Variants in VPS13B observed in about 807,000 individuals in gnomAD.
VPS13B encodes intermembrane lipid transfer protein VPS13B.
A neutral mutation model predicts 426.4 loss-of-function variants in VPS13B; 285 were observed. The ratio of observed to expected loss-of-function variants is 0.67; its 90% confidence interval spans 0.61 to 0.74. VPS13B has a LOEUF of 0.74. VPS13B is among the 30% of genes least tolerant of loss of function. The pLI is 0.00. For synonymous variants in VPS13B, 1,676 were observed against 1,676.4 expected (o/e 1.00, Z 0.01); for missense variants, 4,537 against 4,782.6 (o/e 0.95, Z 1.51).
intron 23 of VPS13B, among the ~76,000 whole-genome samples, chr8:99,455,713 A>G (rs1439009374): frequency 6.6e-6 from 1 of 152,198 alleles, no homozygotes; most frequent in Non-Finnish European, 1.5e-5. Context: ...AATACACTGG[A>G]ATCATACAAT....
intron 58 of VPS13B, among the ~76,000 whole-genome samples, chr8:99,865,270 G>A (rs181780694): frequency 2.0e-5 from 3 of 152,318 alleles, no homozygotes; most frequent in East Asian, 1.9e-4. Flanking sequence ...GAGAAAGGAC[G>A]TGCAGCTCCG....
chr8:99,529,204 AC>A (rs1588465707), intron 30 of VPS13B, among the ~76,000 whole-genome samples: 2 of 152,014 alleles, frequency 1.3e-5, no homozygotes, highest in East Asian at 3.9e-4. Flanking sequence ...AATGGTAACC[AC>A]CTCCTTACCC....
chr8:99,212,716 T>C (rs1413577492), intron 17 of VPS13B, among the ~76,000 whole-genome samples: 1 of 152,196 alleles, frequency 6.6e-6, no homozygotes, highest in African/African-American at 2.4e-5. Context: ...TGAAGAATCT[T>C]AAGTGATATA....
intron 19 of VPS13B, among the ~76,000 whole-genome samples, chr8:99,324,334 C>A (rs1195028786): frequency 6.6e-6 from 1 of 152,120 alleles, no homozygotes; most frequent in Non-Finnish European, 1.5e-5. Flanking sequence ...TAAGTACTGC[C>A]CATTCCACTT....
chr8:99,154,222 G>A (rs1247062353), intron 14 of VPS13B, among the ~76,000 whole-genome samples: 1 of 150,682 alleles, frequency 6.6e-6, no homozygotes, highest in Non-Finnish European at 1.5e-5. Flanking sequence ...CTAATTTGGT[G>A]TCTGACATTA....
intron 16 of VPS13B, among the ~76,000 whole-genome samples, chr8:99,177,334 G>GT (rs1812690003): frequency 6.6e-6 from 1 of 152,038 alleles, no homozygotes; most frequent in Admixed American, 6.6e-5. Context: ...GCCAATTTCT[G>GT]TTTTTCCTTA....
chr8:99,870,408 T>C lies in VPS13B; in HGVS notation c.11393-377T>C, dbSNP rs369214854. On this transcript the variant is annotated intron_variant, in intron 59 of 61. Coordinates refer to ENST00000357162, the MANE Select transcript of VPS13B (RefSeq NM_152564.5). Reference sequence around the variant, plus strand: ...ACTCAAGCAATCCTCCCACCTTGATTTGACCTCCCAAAGTTCTAGGATTAC... The same window carrying C: ...ACTCAAGCAATCCTCCCACCTTGATCTGACCTCCCAAAGTTCTAGGATTAC... Among the ~76,000 whole-genome samples, 5 of 152,264 alleles carry C rather than the reference T, an allele frequency of 3.3e-5. No individual in the cohort carries two copies. The East Asian group carries it at 9.7e-4, about 29-fold the overall frequency.
chr8:99,575,484 A>G (rs1042128616), intron 31 of VPS13B, among the ~76,000 whole-genome samples, 174 bp from the exon 32 acceptor site: 3 of 152,320 alleles, frequency 2.0e-5, no homozygotes, highest in Admixed American at 6.5e-5. Context: ...TCTTTTGTAA[A>G]TCTTATGGAA....
At chr8:99,333,261 G>A (rs576299230) in intron 19 of VPS13B, among the ~76,000 whole-genome samples, 1 of 151,782 alleles carries the variant, frequency 6.6e-6, no homozygotes, top group African/African-American at 2.4e-5. Context: ...GGAGAAAGAT[G>A]TGCATGAAAA....
intron 17 of VPS13B, chr8:99,209,716 TTA>T: frequency 1.0e-6 from 1 of 980,020 alleles, no homozygotes; most frequent in South Asian, 4.7e-5. Flanking sequence ...CCTTTATAAA[TTA>T]TGTTATAATT....
intron 23 of VPS13B, among the ~76,000 whole-genome samples, chr8:99,451,706 G>C (rs1038411486): frequency 2.6e-5 from 4 of 152,100 alleles, no homozygotes; most frequent in Admixed American, 2.0e-4. Flanking sequence ...CTGGAACCCT[G>C]TATGGAACTC....
chr8:99,360,135 TTTC>T (rs1812428454), intron 19 of VPS13B, among the ~76,000 whole-genome samples: 2 of 24,890 alleles, frequency 8.0e-5, no homozygotes, highest in Middle Eastern at 0.012. Context: ...TCTTTCTTTC[TTTC>T]TTTCTTTCTT....
intron 20 of VPS13B, among the ~76,000 whole-genome samples, chr8:99,391,010 T>A (rs1814412803): frequency 6.6e-6 from 1 of 152,272 alleles, no homozygotes; most frequent in South Asian, 2.1e-4. Context: ...ATATCTTTTG[T>A]CAGACAAAAC....
chr8:99,546,436 A>G (rs1823980159), intron 30 of VPS13B, among the ~76,000 whole-genome samples: 2 of 152,046 alleles, frequency 1.3e-5, no homozygotes, highest in South Asian at 4.1e-4. Context: ...ATTGTTAGGT[A>G]CAGAACGTAG....
At chr8:99,283,193 T>C (rs1209439591) in intron 19 of VPS13B, among the ~76,000 whole-genome samples, 1 of 152,240 alleles carries the variant, frequency 6.6e-6, no homozygotes, top group Non-Finnish European at 1.5e-5. Flanking sequence ...TGCCTTGAAG[T>C]TATATGTTTA....
intron 35 of VPS13B, among the ~76,000 whole-genome samples, chr8:99,677,060 G>A (rs1830966271): frequency 6.6e-6 from 1 of 152,148 alleles, no homozygotes; most frequent in African/African-American, 2.4e-5. Context: ...AAGGTGCAAT[G>A]AGCCGAGATC....
intron 3 of VPS13B, among the ~76,000 whole-genome samples, chr8:99,087,635 A>G (rs1845907481): frequency 1.4e-5 from 2 of 146,116 alleles, no homozygotes; most frequent in African/African-American, 5.1e-5. Flanking sequence ...TTTTTTATAG[A>G]CTGGGTCTGT....
chr8:99,720,711 GTTC>G (rs1354157885), intron 38 of VPS13B, 149 bp from the exon 39 acceptor site: 1 of 1,086,110 alleles, frequency 9.2e-7, no homozygotes, highest in Non-Finnish European at 1.3e-6. Context: ...CTTAGGGGAA[GTTC>G]TTCATTTCTT....
chr8:99,851,686 G>T (rs75251638), intron 55 of VPS13B, among the ~76,000 whole-genome samples: 2,351 of 152,178 alleles, frequency 0.015, 26 homozygotes, highest in Middle Eastern at 0.048. Flanking sequence ...GGAGGAGCAG[G>T]GAAGAGGCTG....
Sources: allele counts gnomAD v4.1 joint callset (sites outside exome capture counted in the v4.1 genomes callset), GRCh38; gene constraint gnomAD v4.1.1; transcripts MANE v1.5; gene names NCBI Gene and HGNC (gene_info 2026-07-23, HGNC 2026-07-21).